Variants in CSMD3 observed in about 807,000 individuals in gnomAD.
CSMD3 encodes CUB and sushi domain-containing protein 3.
A neutral mutation model predicts 435.2 loss-of-function variants in CSMD3; 177 were observed. That is an observed-to-expected ratio of 0.41 (90% CI 0.36 to 0.46). CSMD3 has a LOEUF of 0.46. Ranked by LOEUF, CSMD3 falls within the 20% of genes least tolerant of loss-of-function variation. The probability of loss-of-function intolerance (pLI) is 0.34; values close to 1 mark genes in which losing one functional copy is unlikely to be tolerated. For synonymous variants in CSMD3, 1,656 were observed against 1,520.5 expected, an observed-to-expected ratio of 1.09 and a Z score of -2.07; for missense variants, 4,265 against 4,504.6, an observed-to-expected ratio of 0.95 and a Z score of 1.52.
intron 10 of CSMD3, among the ~76,000 whole-genome samples, chr8:112,889,359 T>C (rs1480333876): frequency 6.6e-6 from 1 of 151,630 alleles, no homozygotes; most frequent in East Asian, 2.0e-4. Context: ...GGAGGAGAGA[T>C]GAGCTGGCAT....
chr8:112,589,241 C>T (rs767661930), intron 22 of CSMD3, among the ~76,000 whole-genome samples: 5 of 152,080 alleles, frequency 3.3e-5, no homozygotes, highest in South Asian at 2.1e-4. Flanking sequence ...CTATTACCTA[C>T]CCTTCTCTGC....
At chr8:113,068,767 T>A (rs971994636) in intron 5 of CSMD3, among the ~76,000 whole-genome samples, 1 of 152,182 alleles carries the variant, frequency 6.6e-6, no homozygotes. Context: ...ATGTTCTTGC[T>A]ATTTTTTCTT....
chr8:113,136,108 C>G (rs1254417502), intron 4 of CSMD3, among the ~76,000 whole-genome samples: 1 of 151,660 alleles, frequency 6.6e-6, no homozygotes, highest in Non-Finnish European at 1.5e-5. Flanking sequence ...ACTGTGAGAA[C>G]AAATTAAGTA....
chr8:112,371,811 C>G (rs1828420682), intron 38 of CSMD3, among the ~76,000 whole-genome samples: 1 of 151,850 alleles, frequency 6.6e-6, no homozygotes, highest in Admixed American at 6.6e-5. Context: ...TCACTTGAAC[C>G]CGGGAGGTGG....
chr8:113,276,071 G>C (rs2093567638), intron 3 of CSMD3, among the ~76,000 whole-genome samples: 1 of 152,006 alleles, frequency 6.6e-6, no homozygotes. Context: ...ACTGGCTACA[G>C]TTAAATATAG....
intron 10 of CSMD3, among the ~76,000 whole-genome samples, chr8:112,882,011 C>G (rs1039606352): frequency 1.3e-5 from 2 of 151,692 alleles, no homozygotes; most frequent in Non-Finnish European, 2.9e-5. Flanking sequence ...TTACTCATTC[C>G]TTTTTCTGGG....
intron 4 of CSMD3, among the ~76,000 whole-genome samples, chr8:113,109,685 G>A (rs934812248): frequency 6.6e-6 from 1 of 152,134 alleles, no homozygotes; most frequent in Non-Finnish European, 1.5e-5. Context: ...AATCGGCTCT[G>A]TGCCTGGAGC....
chr8:112,362,306 C>A (rs994965751), intron 38 of CSMD3, among the ~76,000 whole-genome samples: 1 of 151,964 alleles, frequency 6.6e-6, no homozygotes, highest in Non-Finnish European at 1.5e-5. Flanking sequence ...ACTATCATCA[C>A]TGATGGGCAG....
chr8:113,337,955 C>T (rs1395414996), intron 1 of CSMD3, among the ~76,000 whole-genome samples: 1 of 151,654 alleles, frequency 6.6e-6, no homozygotes, highest in Non-Finnish European at 1.5e-5. Flanking sequence ...TAAATATATG[C>T]AATTTTTATT....
At chr8:113,327,542 C>G (rs2093992394) in intron 1 of CSMD3, among the ~76,000 whole-genome samples, 1 of 152,116 alleles carries the variant, frequency 6.6e-6, no homozygotes, top group Non-Finnish European at 1.5e-5. Context: ...CCTTCAAAAT[C>G]AGCAGCCTCC....
intron 5 of CSMD3, among the ~76,000 whole-genome samples, chr8:113,029,854 T>C (rs1290594121): frequency 6.6e-6 from 1 of 151,442 alleles, no homozygotes; most frequent in East Asian, 1.9e-4. Flanking sequence ...TTGCTGATGA[T>C]ATGATTGTTT....
intron 5 of CSMD3, among the ~76,000 whole-genome samples, chr8:113,054,727 A>G (rs1028690700): frequency 6.6e-6 from 1 of 151,984 alleles, no homozygotes; most frequent in Non-Finnish European, 1.5e-5. Flanking sequence ...TTAAAGTGAT[A>G]CTCCTGGAAA....
At chr8:113,424,358 A>T (rs780994861) in intron 1 of CSMD3, among the ~76,000 whole-genome samples, 1 of 151,742 alleles carries the variant, frequency 6.6e-6, no homozygotes, top group African/African-American at 2.4e-5. Context: ...TTATTGAAAA[A>T]CTATACTTCA....
chr8:112,406,340 T>C (rs1485491684), intron 35 of CSMD3, among the ~76,000 whole-genome samples, 184 bp downstream of exon 35: 4 of 152,124 alleles, frequency 2.6e-5, no homozygotes, highest in Non-Finnish European at 4.4e-5. Context: ...TTTTTATTGA[T>C]TTCATCACCA....
intron 32 of CSMD3, among the ~76,000 whole-genome samples, chr8:112,443,988 A>G (rs911168312): frequency 3.9e-5 from 6 of 152,226 alleles, no homozygotes; most frequent in Admixed American, 3.3e-4. Flanking sequence ...AAATGAAAAC[A>G]AAGAGTTTCA....
chr8:113,169,435 C>T (rs1251358809), intron 4 of CSMD3, among the ~76,000 whole-genome samples: 2 of 152,082 alleles, frequency 1.3e-5, no homozygotes, highest in Non-Finnish European at 2.9e-5. Flanking sequence ...AGCATCACAT[C>T]CCCTTATTGA....
chr8:112,618,980 C>T (rs1164721583), intron 22 of CSMD3, among the ~76,000 whole-genome samples: 2 of 152,008 alleles, frequency 1.3e-5, no homozygotes, highest in Non-Finnish European at 1.5e-5. Context: ...AATTGCATGA[C>T]ATTTTACTTA....
intron 1 of CSMD3, among the ~76,000 whole-genome samples, chr8:113,401,100 A>G (rs1168049683): frequency 6.6e-6 from 1 of 151,766 alleles, no homozygotes; most frequent in Non-Finnish European, 1.5e-5. Flanking sequence ...AATACATACA[A>G]ACATCCTGAC....
intron 32 of CSMD3, among the ~76,000 whole-genome samples, chr8:112,455,639 A>C (rs921948224): frequency 2.6e-5 from 4 of 151,426 alleles, no homozygotes; most frequent in African/African-American, 9.7e-5. Context: ...AAATCAAAGC[A>C]TAATCAATGC....
Sources: gnomAD v4.1 joint callset for allele counts (sites outside exome capture counted in the v4.1 genomes callset) on GRCh38, gnomAD v4.1.1 for gene constraint, MANE v1.5 for transcripts, NCBI Gene and HGNC (gene_info 2026-07-23, HGNC 2026-07-21) for gene names.